The following SNX29 variants were observed in gnomAD, a reference collection of about 807,000 sequenced individuals.
The protein encoded by SNX29 is sorting nexin-29.
SNX29 carries 78 observed loss-of-function variants against 102.1 expected under a neutral mutation model. The ratio of observed to expected loss-of-function variants is 0.76; its 90% CI spans 0.64 to 0.92. SNX29 has a LOEUF of 0.92. Ranked by LOEUF, SNX29 falls within the 40% of genes least tolerant of loss-of-function variation. The pLI is 0.00. For missense variants in SNX29, 1,280 were observed against 1,061.7 expected, an observed-to-expected ratio of 1.21 and a Z score of -2.86; for synonymous variants, 580 against 414.5, an observed-to-expected ratio of 1.40 and a Z score of -4.85.
chr16:12,542,407 C>T (rs964611500), intron 20 of SNX29, among the ~76,000 whole-genome samples: 1 of 152,248 alleles, frequency 6.6e-6, no homozygotes, highest in Non-Finnish European at 1.5e-5. Context: ...ACAGTCTCCC[C>T]TCACTACAGC....
chr16:12,551,412 C>G (rs560014621), intron 20 of SNX29, among the ~76,000 whole-genome samples: 1 of 152,200 alleles, frequency 6.6e-6, no homozygotes, highest in Non-Finnish European at 1.5e-5. Flanking sequence ...GTTGGGGTCT[C>G]AGCCACAGCT....
chr16:12,184,378 TG>T (rs758082683), intron 13 of SNX29, among the ~76,000 whole-genome samples: 2 of 152,224 alleles, frequency 1.3e-5, no homozygotes, highest in African/African-American at 2.4e-5. Flanking sequence ...TGCTGAATGT[TG>T]GGCTGTAGAA....
intron 19 of SNX29, among the ~76,000 whole-genome samples, chr16:12,490,657 T>C (rs373591921): frequency 2.0e-5 from 3 of 152,192 alleles, no homozygotes; most frequent in East Asian, 3.8e-4. Flanking sequence ...ACGGTGATGA[T>C]TTTTTAAAGA....
chr16:12,109,176 G>A (rs2053403062), intron 11 of SNX29, among the ~76,000 whole-genome samples: 1 of 145,428 alleles, frequency 6.9e-6, no homozygotes, highest in African/African-American at 2.5e-5. Context: ...TTATTTCTTA[G>A]AGTTGTGCAG....
intron 16 of SNX29, among the ~76,000 whole-genome samples, chr16:12,389,816 C>T (rs942146099): frequency 2.0e-5 from 3 of 152,184 alleles, no homozygotes; most frequent in Non-Finnish European, 4.4e-5. Flanking sequence ...TAAAAACAAC[C>T]ACAGATGTAG....
intron 16 of SNX29, among the ~76,000 whole-genome samples, chr16:12,371,990 A>G (rs56058324): frequency 0.013 from 1,950 of 152,344 alleles, 54 homozygotes; most frequent in African/African-American, 0.044. Flanking sequence ...TATAAATAAT[A>G]TAAAAATACA....
chr16:12,100,133 A>G (rs1249590222), intron 11 of SNX29, among the ~76,000 whole-genome samples: 7 of 152,276 alleles, frequency 4.6e-5, no homozygotes, highest in African/African-American at 1.7e-4. Context: ...CTGTGAGCCC[A>G]ATACCTTCTG....
chr16:12,242,099 G>C (rs552311313), intron 14 of SNX29, among the ~76,000 whole-genome samples: 1 of 152,048 alleles, frequency 6.6e-6, no homozygotes, highest in African/African-American at 2.4e-5. Flanking sequence ...TGGAATGTGA[G>C]AGCTGGGGAG....
At chr16:12,412,506 C>A (rs111407562) in intron 18 of SNX29, among the ~76,000 whole-genome samples, 3 of 152,190 alleles carry the variant, frequency 2.0e-5, no homozygotes, top group Non-Finnish European at 2.9e-5. Context: ...ATTTTTCACA[C>A]GGGAGAGAGC....
intron 15 of SNX29, among the ~76,000 whole-genome samples, chr16:12,289,266 G>T (rs1027841247): frequency 1.3e-5 from 2 of 152,176 alleles, no homozygotes; most frequent in African/African-American, 4.8e-5. Context: ...GGAGGAGAAG[G>T]GTCCACTACT....
At chr16:11,988,948 G>A (rs1452094069) in intron 1 of SNX29, among the ~76,000 whole-genome samples, 1 of 152,012 alleles carries the variant, frequency 6.6e-6, no homozygotes, top group African/African-American at 2.4e-5. Context: ...GCTCTTTACA[G>A]GAAATACTTG....
intron 13 of SNX29, among the ~76,000 whole-genome samples, chr16:12,171,106 C>T (rs2076140614): frequency 6.6e-6 from 1 of 152,074 alleles, no homozygotes; most frequent in Admixed American, 6.5e-5. Flanking sequence ...TCTCTAGCTC[C>T]TCATGGACCC....
At chr16:12,256,716 G>A (rs2078585240) in intron 14 of SNX29, among the ~76,000 whole-genome samples, 1 of 152,162 alleles carries the variant, frequency 6.6e-6, no homozygotes, top group Admixed American at 6.6e-5. Context: ...GCTACTATCT[G>A]ACTTAAAATG....
At chr16:12,230,649 C>T (rs1021148731) in intron 14 of SNX29, among the ~76,000 whole-genome samples, 9 of 152,142 alleles carry the variant, frequency 5.9e-5, no homozygotes, top group African/African-American at 2.2e-4. Flanking sequence ...GATGGTAGGC[C>T]TTGAATGCCC....
At chr16:12,034,540 G>C (rs2057422737) in intron 4 of SNX29, among the ~76,000 whole-genome samples, 2 of 152,318 alleles carry the variant, frequency 1.3e-5, no homozygotes, top group Middle Eastern at 3.4e-3. Flanking sequence ...TGGGTCACTG[G>C]ATCATGGGCA....
At chr16:12,566,564 T>A (rs960231783) in intron 20 of SNX29, among the ~76,000 whole-genome samples, 1 of 152,206 alleles carries the variant, frequency 6.6e-6, no homozygotes, top group Non-Finnish European at 1.5e-5. Flanking sequence ...GGCATGGCTT[T>A]AAACTGACTT....
chr16:12,411,956 G>C (rs2084413763), intron 18 of SNX29, among the ~76,000 whole-genome samples: 1 of 152,190 alleles, frequency 6.6e-6, no homozygotes, highest in Non-Finnish European at 1.5e-5. Flanking sequence ...CTCTGGGCAT[G>C]TCCCCGTGTT....
intron 20 of SNX29, chr16:12,527,503 C>G: frequency 2.4e-6 from 1 of 418,528 alleles, no homozygotes; most frequent in Non-Finnish European, 4.5e-6. Flanking sequence ...TGAACGTAAC[C>G]GGATTGTTCA....
intron 4 of SNX29, among the ~76,000 whole-genome samples, chr16:12,032,231 T>G (rs2151137090): frequency 6.6e-6 from 1 of 150,876 alleles, no homozygotes; most frequent in African/African-American, 2.4e-5. Flanking sequence ...GATGGAGCCT[T>G]GCTCTGTTGC....
Sources: allele counts gnomAD v4.1 joint callset (sites outside exome capture counted in the v4.1 genomes callset), GRCh38; gene constraint gnomAD v4.1.1; transcripts MANE v1.5; gene names NCBI Gene and HGNC (gene_info 2026-07-23, HGNC 2026-07-21).